Variants in AGTPBP1 observed in about 807,000 individuals in gnomAD.
AGTPBP1 encodes the protein cytosolic carboxypeptidase 1.
A neutral mutation model predicts 143.9 loss-of-function variants in AGTPBP1; 70 were observed. The ratio of observed to expected loss-of-function variants is 0.49; its 90% confidence interval spans 0.40 to 0.59. The LOEUF is 0.59. AGTPBP1 is among the 20% of genes least tolerant of loss of function. The pLI, the probability that AGTPBP1 is intolerant of heterozygous loss-of-function variation, is 0.00. For synonymous variants in AGTPBP1, 463 were observed against 500.2 expected (o/e 0.93, Z 0.99); for missense variants, 1,229 against 1,464.5 (o/e 0.84, Z 2.62).
chr9:85,712,694 G>A (rs1587957805), intron 1 of AGTPBP1, 128 bp from the exon 2 acceptor site: 2 of 415,966 alleles, frequency 4.8e-6, no homozygotes, highest in East Asian at 7.3e-5. Context: ...AACAAAAAGA[G>A]AACATTTGAG....
intron 22 of AGTPBP1, 125 bp from the exon 23 acceptor site, chr9:85,585,719 C>G (rs1320998899): frequency 1.5e-6 from 1 of 686,532 alleles, no homozygotes; most frequent in Non-Finnish European, 2.1e-6. Flanking sequence ...GTAAAAGAAC[C>G]ACCATTTAAC....
At chr9:85,577,041 T>C (rs1019761521) in intron 24 of AGTPBP1, among the ~76,000 whole-genome samples, 2 of 152,254 alleles carry the variant, frequency 1.3e-5, no homozygotes, top group African/African-American at 4.8e-5. Context: ...ATTTTATGTT[T>C]CAAAATATAT....
chr9:85,715,381 TAAG>T (rs982309987), intron 1 of AGTPBP1, among the ~76,000 whole-genome samples: 5 of 152,148 alleles, frequency 3.3e-5, no homozygotes, highest in Non-Finnish European at 7.4e-5. Flanking sequence ...GGTATTATGC[TAAG>T]AAGAACTCAG....
At chr9:85,770,460 T>A in the AGTPBP1 span, 4 of 1,579,214 alleles carry the variant, frequency 2.5e-6, no homozygotes, top group Admixed American at 5.0e-5. Flanking sequence ...CTGTTGAGAT[T>A]AGAGCTATTC....
chr9:85,714,411 T>C (rs1837570356), intron 1 of AGTPBP1, among the ~76,000 whole-genome samples: 1 of 152,190 alleles, frequency 6.6e-6, no homozygotes, highest in Admixed American at 6.5e-5. Flanking sequence ...GGTGTTTGAA[T>C]GAGGATAACA....
the AGTPBP1 span, among the ~76,000 whole-genome samples, chr9:85,749,817 C>A: frequency 1.3e-5 from 2 of 150,768 alleles, no homozygotes; most frequent in Non-Finnish European, 2.9e-5. Flanking sequence ...ACAAAAATTA[C>A]AATGTAAGAA....
At chr9:85,623,621 G>A (rs1831084637) in intron 14 of AGTPBP1, among the ~76,000 whole-genome samples, 1 of 152,048 alleles carries the variant, frequency 6.6e-6, no homozygotes, top group Non-Finnish European at 1.5e-5. Flanking sequence ...GCTGGGTGTG[G>A]TGGCGGGTGC....
intron 10 of AGTPBP1, among the ~76,000 whole-genome samples, chr9:85,656,406 A>G (rs1239597994): frequency 1.3e-5 from 2 of 152,214 alleles, no homozygotes; most frequent in East Asian, 3.8e-4. Flanking sequence ...CTATACTAGG[A>G]ATAGTAAAAA....
At chr9:85,713,949 C>T (rs554441813) in intron 1 of AGTPBP1, among the ~76,000 whole-genome samples, 18 of 152,154 alleles carry the variant, frequency 1.2e-4, no homozygotes, top group African/African-American at 3.1e-4. Flanking sequence ...AAAAATCTTA[C>T]GTGATTTCAA....
the AGTPBP1 span, among the ~76,000 whole-genome samples, chr9:85,779,460 T>A: frequency 1.3e-5 from 2 of 152,038 alleles, no homozygotes; most frequent in Non-Finnish European, 2.9e-5. Flanking sequence ...GAGAAAGATG[T>A]AGGCTGGGAG....
chr9:85,766,667 A>G, the AGTPBP1 span, among the ~76,000 whole-genome samples: 7 of 152,054 alleles, frequency 4.6e-5, no homozygotes, highest in African/African-American at 7.3e-5. Flanking sequence ...ATGAGCTTCT[A>G]TGCACCTTTC....
chr9:85,568,560 C>A (rs62566879), intron 25 of AGTPBP1, among the ~76,000 whole-genome samples: 2,520 of 152,152 alleles, frequency 0.017, 29 homozygotes, highest in Middle Eastern at 0.054. Context: ...ACCTGGGACA[C>A]CGATAATGGT....
chr9:85,773,442 G>A, the AGTPBP1 span, among the ~76,000 whole-genome samples: 8 of 138,678 alleles, frequency 5.8e-5, no homozygotes, highest in Middle Eastern at 4.1e-3. Context: ...CAAGCCATTC[G>A]CCTGCTTCAG....
chr9:85,686,240 A>C (rs1255201292), intron 3 of AGTPBP1, among the ~76,000 whole-genome samples: 1 of 152,064 alleles, frequency 6.6e-6, no homozygotes, highest in Non-Finnish European at 1.5e-5. Flanking sequence ...TGACACAAAA[A>C]GGCTGGGAGT....
At chr9:85,647,250 C>T (rs1021148709) in intron 11 of AGTPBP1, among the ~76,000 whole-genome samples, 1 of 152,126 alleles carries the variant, frequency 6.6e-6, no homozygotes, top group Non-Finnish European at 1.5e-5. Context: ...GCACTCCAGC[C>T]TGGGCAACAA....
the AGTPBP1 span, among the ~76,000 whole-genome samples, chr9:85,800,705 C>T: frequency 6.6e-6 from 1 of 151,832 alleles, no homozygotes; most frequent in Non-Finnish European, 1.5e-5. Flanking sequence ...AGGAAAAGTC[C>T]ATGTATAGTT....
chr9:85,795,404 A>G, the AGTPBP1 span, among the ~76,000 whole-genome samples: 30 of 152,364 alleles, frequency 2.0e-4, no homozygotes, highest in African/African-American at 7.0e-4. Context: ...GCTAAATGCT[A>G]AAAGAAACAA....
chr9:85,652,394 C>T (rs936572405), intron 11 of AGTPBP1, among the ~76,000 whole-genome samples: 3 of 151,966 alleles, frequency 2.0e-5, no homozygotes, highest in African/African-American at 7.2e-5. Flanking sequence ...CACCTGTAGT[C>T]CCAGCTACTT....
chr9:85,617,367 T>C (rs1386764240), intron 17 of AGTPBP1, among the ~76,000 whole-genome samples: 1 of 152,176 alleles, frequency 6.6e-6, no homozygotes, highest in Non-Finnish European at 1.5e-5. Flanking sequence ...GCAAGTTTTC[T>C]TGTATGCCAG....
Sources: allele counts gnomAD v4.1 joint callset (sites outside exome capture counted in the v4.1 genomes callset), GRCh38; gene constraint gnomAD v4.1.1; transcripts MANE v1.5; gene names NCBI Gene and HGNC (gene_info 2026-07-23, HGNC 2026-07-21).